Variants in B3GALT5 observed in about 807,000 individuals in gnomAD.
The protein encoded by B3GALT5 is UDP-Gal:betaGlcNAc beta 1,3-galactosyltransferase, polypeptide 5.
For synonymous variants in B3GALT5, 156 were observed against 158.6 expected, an observed-to-expected ratio of 0.98 and a Z score of 0.12; for missense variants, 328 against 396.6, an observed-to-expected ratio of 0.83 and a Z score of 1.47.
chr21:39,660,066 T>C (rs1189289620), intron 3 of B3GALT5, among the ~76,000 whole-genome samples, 154 bp downstream of exon 3: 1 of 152,176 alleles, frequency 6.6e-6, no homozygotes, highest in African/African-American at 2.4e-5. Flanking sequence ...AGACAGAATT[T>C]GAAGGTACTT....
In B3GALT5 at chr21:39,647,266, G is replaced by A. The variant is rs527411043; in HGVS notation, c.-161+644G>A. Among the ~76,000 whole-genome samples, 9 of 152,328 alleles carry A rather than the reference G, an allele frequency of 5.9e-5. No homozygotes were observed. The East Asian group carries it at 1.5e-3, about 26-fold the overall frequency. On this transcript the variant is annotated intron_variant, in intron 2 of 3. Transcript: ENST00000684187. ...GAGGACGGCCAAACTTGTTTGTCAA[G>A]AACAAATTCTCAAGCCTTGTAGAGT...
Position 39,646,459 on chromosome 21 carries a change from C to G in B3GALT5, c.-324C>G, listed in dbSNP as rs928064862. Reference sequence around the variant, plus strand: ...CAAGTAAGAAAATGTATCCAAGTCACAAAGAAACATAATTTGGCTTTTGGA... The same window carrying G: ...CAAGTAAGAAAATGTATCCAAGTCAGAAAGAAACATAATTTGGCTTTTGGA... On this transcript the variant is annotated 5_prime_UTR_variant, in exon 2 of 4. Coordinates refer to ENST00000684187, the MANE Select transcript of B3GALT5 (RefSeq NM_001356336.2). 1.3e-5 allele frequency: 2 copies of G among 152,286 alleles called. No homozygotes were observed. Among genetic ancestry groups the G allele is most frequent in the East Asian group, 3.9e-4 (2 of 5,184 alleles). 9.4% of individuals were successfully genotyped at this position (152,286 alleles called of 1,614,324 possible). A position where few individuals can be genotyped will look rare whatever the true frequency, so the allele number is the denominator to read the frequency against.
chr21:39,658,053 G>A (rs2079466384), intron 2 of B3GALT5, among the ~76,000 whole-genome samples: 4 of 152,168 alleles, frequency 2.6e-5, no homozygotes, highest in Admixed American at 6.5e-5. Context: ...GGTGCTGCAG[G>A]TGCCCCTACC....
chr21:39,649,247 CT>C (rs1422175226), intron 2 of B3GALT5, among the ~76,000 whole-genome samples: 1 of 152,178 alleles, frequency 6.6e-6, no homozygotes, highest in African/African-American at 2.4e-5. Context: ...CATGGGCCCC[CT>C]GATGTGCTTG....
At chr21:39,639,288 C>CTTTCTTTCTT (rs1491416648) in intron 1 of B3GALT5, among the ~76,000 whole-genome samples, 2 of 98,524 alleles carry the variant, frequency 2.0e-5, no homozygotes, top group South Asian at 3.8e-4. Flanking sequence ...AGGCATCTGG[C>CTTTCTTTCTT]TCTTTCTTTC....
At chr21:39,650,196 A>T (rs908145614) in intron 2 of B3GALT5, among the ~76,000 whole-genome samples, 1 of 152,056 alleles carries the variant, frequency 6.6e-6, no homozygotes, top group Non-Finnish European at 1.5e-5. Flanking sequence ...AATACAGGTG[A>T]TTTCTCTTGG....
At chr21:39,629,430 G>C (rs1375980935) in intron 1 of B3GALT5, among the ~76,000 whole-genome samples, 1 of 152,142 alleles carries the variant, frequency 6.6e-6, no homozygotes, top group Non-Finnish European at 1.5e-5. Flanking sequence ...CCATTTTAGA[G>C]TGTGAGTGCA....
At chr21:39,633,957 C>A (rs1351039436) in intron 1 of B3GALT5, among the ~76,000 whole-genome samples, 1 of 152,122 alleles carries the variant, frequency 6.6e-6, no homozygotes, top group Non-Finnish European at 1.5e-5. Flanking sequence ...GTGTTGGCGT[C>A]TGTAATATTT....
chr21:39,657,772 T>G, intron 2 of B3GALT5: 2 of 977,784 alleles, frequency 2.0e-6, no homozygotes, highest in Non-Finnish European at 2.6e-6. Context: ...ACCTGTTGAT[T>G]CGATCTCTCT....
intron 2 of B3GALT5, among the ~76,000 whole-genome samples, chr21:39,647,849 G>A (rs1389001855): frequency 1.3e-5 from 2 of 152,156 alleles, no homozygotes; most frequent in Admixed American, 1.3e-4. Context: ...TTTTCAAGGT[G>A]TTTTATATGG....
At chr21:39,639,925 A>G (rs1009556932) in intron 1 of B3GALT5, among the ~76,000 whole-genome samples, 2 of 152,182 alleles carry the variant, frequency 1.3e-5, no homozygotes, top group Non-Finnish European at 2.9e-5. Flanking sequence ...CTAAATAACA[A>G]GCTGTCAATC....
intron 2 of B3GALT5, among the ~76,000 whole-genome samples, chr21:39,653,628 T>G (rs748001016): frequency 1.3e-5 from 2 of 152,240 alleles, no homozygotes; most frequent in Admixed American, 1.3e-4. Context: ...GGTGAACTGC[T>G]TTCCTTGCAA....
At chr21:39,656,088 C>G (rs1000126124) in intron 2 of B3GALT5, among the ~76,000 whole-genome samples, 1 of 152,170 alleles carries the variant, frequency 6.6e-6, no homozygotes, top group African/African-American at 2.4e-5. Context: ...ATATAGATTC[C>G]TGGGCCCCAG....
chr21:39,662,432 TG>T lies in B3GALT5; in HGVS notation c.*944del, dbSNP rs1319616546. 6.0e-5 allele frequency: 10 copies of T among 167,070 alleles called. No individual in the cohort carries two copies. The highest frequency in any genetic ancestry group is 2.4e-4 in the African/African-American group (10 of 41,432). 10.3% of individuals were successfully genotyped at this position (167,070 alleles called of 1,614,324 possible). On this transcript the variant is annotated 3_prime_UTR_variant, in exon 4 of 4. Transcript: ENST00000684187. The stretch of plus-strand genomic sequence containing the variant: ...AAACTGAAGGACAGTTGAACTCAGA[TG>T]GGGTTCATGTGGGATTCTGGGAGCT...
intron 1 of B3GALT5, among the ~76,000 whole-genome samples, chr21:39,626,451 G>A (rs2079164351): frequency 6.6e-6 from 1 of 152,122 alleles, no homozygotes; most frequent in South Asian, 2.1e-4. Flanking sequence ...GCATGGGAGT[G>A]GAATTGCTGG....
intron 2 of B3GALT5, among the ~76,000 whole-genome samples, chr21:39,654,121 A>G (rs1393535475): frequency 6.6e-6 from 1 of 152,250 alleles, no homozygotes; most frequent in East Asian, 1.9e-4. Flanking sequence ...ACATACGTTT[A>G]TCTGTAGCAG....
chr21:39,649,558 C>T (rs528402828), intron 2 of B3GALT5, among the ~76,000 whole-genome samples: 2 of 152,254 alleles, frequency 1.3e-5, no homozygotes, highest in African/African-American at 2.4e-5. Flanking sequence ...AGTATAGAGC[C>T]GGGCTTAATT....
intron 2 of B3GALT5, among the ~76,000 whole-genome samples, chr21:39,647,639 T>G (rs895071367): frequency 1.3e-5 from 2 of 152,260 alleles, no homozygotes; most frequent in East Asian, 3.9e-4. Flanking sequence ...TGAGTCACCA[T>G]GTCCGGCCCC....
chr21:39,648,617 C>T (rs1283741249), intron 2 of B3GALT5, among the ~76,000 whole-genome samples: 1 of 152,160 alleles, frequency 6.6e-6, no homozygotes, highest in Admixed American at 6.5e-5. Flanking sequence ...CTGAGGAGAC[C>T]CCCATGGCCA....
Sources: allele counts gnomAD v4.1 joint callset (sites outside exome capture counted in the v4.1 genomes callset), GRCh38; gene constraint gnomAD v4.1.1; transcripts MANE v1.5; gene names NCBI Gene and HGNC (gene_info 2026-07-23, HGNC 2026-07-21).